Variants in GYS2 observed in about 807,000 individuals in gnomAD.
GYS2 encodes glycogen [starch] synthase, liver.
A neutral mutation model predicts 85.6 loss-of-function variants in GYS2; 80 were observed. That is an observed-to-expected ratio of 0.93 (90% CI 0.78 to 1.13). GYS2 has a LOEUF of 1.13. Ranked by LOEUF, GYS2 falls within the 50% of genes most tolerant of loss-of-function variation. GYS2 has a pLI of 0.00. For missense variants in GYS2, 881 were observed against 854.9 expected, an observed-to-expected ratio of 1.03 and a Z score of -0.38; for synonymous variants, 328 against 300.7, an observed-to-expected ratio of 1.09 and a Z score of -0.94.
chr12:21,571,249 C>A (rs931524431), intron 4 of GYS2, among the ~76,000 whole-genome samples: 1 of 152,140 alleles, frequency 6.6e-6, no homozygotes, highest in Non-Finnish European at 1.5e-5. Flanking sequence ...CTGTAGTACG[C>A]GTGGCCACTC....
intron 1 of GYS2, among the ~76,000 whole-genome samples, chr12:21,593,964 A>G (rs560195531): frequency 1.3e-5 from 2 of 152,306 alleles, no homozygotes; most frequent in South Asian, 4.1e-4. Context: ...CAAATCAATA[A>G]ATGTGATACA....
chr12:21,554,077 T>G (rs1412840745), intron 11 of GYS2, among the ~76,000 whole-genome samples: 1 of 152,170 alleles, frequency 6.6e-6, no homozygotes, highest in African/African-American at 2.4e-5. Flanking sequence ...ATTCTTGTTT[T>G]TTTATTAAAT....
chr12:21,587,533 C>T (rs558796316), intron 1 of GYS2, among the ~76,000 whole-genome samples: 8 of 152,064 alleles, frequency 5.3e-5, no homozygotes, highest in Non-Finnish European at 1.2e-4. Context: ...CTACTTGCTG[C>T]TGCCATGTGA....
chr12:21,601,365 T>G (rs988385540), intron 1 of GYS2, among the ~76,000 whole-genome samples: 5 of 152,090 alleles, frequency 3.3e-5, no homozygotes, highest in Admixed American at 6.6e-5. Context: ...GTTCATACCC[T>G]GGAGACAAAA....
intron 1 of GYS2, among the ~76,000 whole-genome samples, chr12:21,584,917 GT>G (rs1257180304): frequency 6.6e-6 from 1 of 152,162 alleles, no homozygotes; most frequent in Non-Finnish European, 1.5e-5. Flanking sequence ...GAATTTACTG[GT>G]CTTACCATGA....
chr12:21,555,649 A>T (rs1461429189), intron 11 of GYS2, among the ~76,000 whole-genome samples: 1 of 152,174 alleles, frequency 6.6e-6, no homozygotes, highest in Non-Finnish European at 1.5e-5. Flanking sequence ...AGACAATGAG[A>T]TGCCAGAACC....
At chr12:21,549,045 C>T (rs556584535) in intron 11 of GYS2, among the ~76,000 whole-genome samples, 4,778 of 152,112 alleles carry the variant, frequency 0.031, 98 homozygotes, top group Middle Eastern at 0.095. Flanking sequence ...ATTAATAGTT[C>T]AGGTTTAGCC....
intron 13 of GYS2, among the ~76,000 whole-genome samples, chr12:21,541,356 G>A (rs1191479047): frequency 6.7e-6 from 1 of 148,850 alleles, no homozygotes; most frequent in Non-Finnish European, 1.5e-5. Flanking sequence ...TTTTCTTGCT[G>A]CTAGGGAATA....
In GYS2 at chr12:21,540,535, C is replaced by T. The variant is rs764689095; in HGVS notation, c.1684G>A (p.Asp562Asn). ...AACTTAGTCAGCTGATTGCAAGAAT[C>T]ATCTGGAGAACGGAACCGCCTGTCA... Reference protein sequence around the residue: ...IVDRRFRSPDDSCNQLTKFLY... With the variant: ...IVDRRFRSPDNSCNQLTKFLY... Residue 562 changes from aspartate (D) to asparagine (N), a missense_variant, in exon 14 of 16, where the codon GAT (aspartate) becomes AAT (asparagine). Asp to Asn is a conservative substitution (Grantham distance 23, BLOSUM62 1). Coordinates refer to ENST00000261195, the MANE Select transcript of GYS2 (RefSeq NM_021957.4). 38 of 1,613,928 alleles carry T rather than the reference C, an allele frequency of 2.4e-5. No homozygotes were observed. The highest frequency in any genetic ancestry group is 2.9e-5 in the Non-Finnish European group (34 of 1,179,944).
At chr12:21,552,628 G>A (rs1267365170) in intron 11 of GYS2, among the ~76,000 whole-genome samples, 2 of 152,208 alleles carry the variant, frequency 1.3e-5, no homozygotes, top group Non-Finnish European at 2.9e-5. Context: ...TTTTGTGTGT[G>A]TGTCTGTGGC....
intron 5 of GYS2, among the ~76,000 whole-genome samples, chr12:21,566,853 C>A (rs1591794802): frequency 6.6e-6 from 1 of 152,072 alleles, no homozygotes; most frequent in South Asian, 2.1e-4. Flanking sequence ...CATGCTTTGA[C>A]CACTACTCTG....
Position 21,604,610 on chromosome 12 carries a change from G to A in GYS2, c.-18C>T, listed in dbSNP as rs891274264. On this transcript the variant is annotated 5_prime_UTR_variant, in exon 1 of 16. Transcript: ENST00000261195. ...CGAAGCATTCTTCTTACAGTCCTCC[G>A]AGACTCCTTTGAATTCCTGTTTCAA... The A allele has an allele frequency of 6.2e-6, 10 of 1,611,722 alleles. No individual in the cohort carries two copies. Among genetic ancestry groups the A allele is most frequent in the South Asian group, 4.4e-5 (4 of 91,010 alleles).
rs1319550962 is a variant in GYS2, at chr12:21,560,476, A to G, written c.1079T>C (p.Ile360Thr). ...CATAATGAAAAACACCATCACTGTG[A>G]TGTCACTTTTATGCATCTGATGAGG... ...NFLLRMHKSDITVMVFFIMPA... is the reference protein window; with the variant it reads ...NFLLRMHKSDTTVMVFFIMPA... Residue 360 changes from isoleucine to threonine, a missense_variant, in exon 8 of 16, where the codon ATC becomes ACC. Physicochemically the swap from Ile to Thr is moderately conservative, Grantham distance 89. Transcript: ENST00000261195. The G allele has an allele frequency of 4.6e-6, 7 of 1,535,242 alleles. No homozygotes were observed. The Admixed American group carries it at 1.0e-4, about 22-fold the overall frequency.
At chr12:21,590,361 C>T (rs1555160278) in intron 1 of GYS2, among the ~76,000 whole-genome samples, 1 of 152,186 alleles carries the variant, frequency 6.6e-6, no homozygotes, top group South Asian at 2.1e-4. Flanking sequence ...CCAGAGACAG[C>T]CTTGTGCCAT....
intron 1 of GYS2, among the ~76,000 whole-genome samples, chr12:21,586,696 G>C (rs1340656818): frequency 6.6e-6 from 1 of 152,130 alleles, no homozygotes; most frequent in Non-Finnish European, 1.5e-5. Flanking sequence ...AGGATGTGGA[G>C]ACAAGAAAAT....
intron 1 of GYS2, among the ~76,000 whole-genome samples, chr12:21,596,008 G>A (rs532250650): frequency 1.7e-4 from 26 of 152,158 alleles, no homozygotes; most frequent in South Asian, 4.1e-4. Flanking sequence ...ATTCAACAGC[G>A]CGTGGAAATT....
At chr12:21,538,040 C>A (rs1003306371) in intron 15 of GYS2, among the ~76,000 whole-genome samples, 2 of 152,136 alleles carry the variant, frequency 1.3e-5, no homozygotes, top group Non-Finnish European at 2.9e-5. Flanking sequence ...GCACTTGAGA[C>A]CTAGCTTGAA....
chr12:21,560,467 A>C lies in GYS2; in HGVS notation c.1088T>G (p.Met363Arg). The C allele has an allele frequency of 6.3e-7, 1 of 1,575,676 alleles. No homozygotes were observed. Among genetic ancestry groups the C allele is most frequent in the Non-Finnish European group, 8.7e-7 (1 of 1,144,834 alleles). Residue 363 changes from methionine to arginine, a missense_variant, in exon 8 of 16, where the codon ATG becomes AGG. By Grantham distance (91) the Met-to-Arg change is moderately conservative. Coordinates refer to ENST00000261195, the MANE Select transcript of GYS2 (RefSeq NM_021957.4). ...LRMHKSDITV[M>R]VFFIMPAKTN... Reference sequence around the variant, plus strand: ...CTTGGCAGGCATAATGAAAAACACCATCACTGTGATGTCACTTTTATGCAT... The same window carrying C: ...CTTGGCAGGCATAATGAAAAACACCCTCACTGTGATGTCACTTTTATGCAT...
At chr12:21,577,992 T>C (rs1218957094) in intron 2 of GYS2, among the ~76,000 whole-genome samples, 1 of 152,184 alleles carries the variant, frequency 6.6e-6, no homozygotes, top group African/African-American at 2.4e-5. Flanking sequence ...CTTGACCTTA[T>C]GGACTTAAAA....
Sources: allele counts gnomAD v4.1 joint callset (sites outside exome capture counted in the v4.1 genomes callset), GRCh38; gene constraint gnomAD v4.1.1; transcripts MANE v1.5; gene names NCBI Gene and HGNC (gene_info 2026-07-23, HGNC 2026-07-21).